Variants in HMGN5 observed in about 807,000 individuals in gnomAD.
HMGN5 encodes the protein high mobility group nucleosome-binding domain-containing protein 5.
HMGN5 carries 4 observed loss-of-function variants against 9.5 expected under a neutral mutation model. That is an observed-to-expected ratio of 0.42 (90% confidence interval 0.21 to 0.96). HMGN5 has a LOEUF of 0.96. Ranked by LOEUF, HMGN5 falls within the 40% of genes least tolerant of loss-of-function variation. The pLI is 0.30. For missense variants in HMGN5, 192 were observed against 187.5 expected, an observed-to-expected ratio of 1.02 and a Z score of -0.14; for synonymous variants, 55 against 57.1, an observed-to-expected ratio of 0.96 and a Z score of 0.16.
At chrX:81,140,535 T>G (rs1327470940) in intron 1 of HMGN5, among the ~76,000 whole-genome samples, 1 of 90,835 alleles carries the variant, frequency 1.1e-5, no homozygotes, top group Non-Finnish European at 2.1e-5. Context: ...ACTCCAGCCT[T>G]GGCGACAGAG....
At chrX:81,189,479 C>T (rs978769807) in intron 1 of HMGN5, among the ~76,000 whole-genome samples, 13 of 111,996 alleles carry the variant, frequency 1.2e-4, no homozygotes, top group Middle Eastern at 4.2e-3. Flanking sequence ...TGGAATCATA[C>T]GGTATGTAGC....
intron 2 of HMGN5, among the ~76,000 whole-genome samples, chrX:81,121,284 A>G (rs1381943069): frequency 5.4e-5 from 6 of 110,462 alleles, no homozygotes; most frequent in Non-Finnish European, 9.5e-5. Context: ...GTAATTCAGC[A>G]TGGAGACACC....
chrX:81,121,852 C>G (rs1241169012), intron 1 of HMGN5, among the ~76,000 whole-genome samples, 180 bp from the exon 2 acceptor site: 1 of 112,870 alleles, frequency 8.9e-6, no homozygotes, highest in Non-Finnish European at 1.9e-5. Flanking sequence ...CCCTCGTTCC[C>G]TGTCGGCTCT....
At chrX:81,188,447 T>A (rs2075484319) in intron 1 of HMGN5, among the ~76,000 whole-genome samples, 1 of 109,958 alleles carries the variant, frequency 9.1e-6, no homozygotes, top group South Asian at 3.9e-4. Flanking sequence ...TAATTATTGT[T>A]TTTGACTGGT....
At chrX:81,154,955 A>G (rs1291641778) in intron 1 of HMGN5, among the ~76,000 whole-genome samples, 1 of 107,619 alleles carries the variant, frequency 9.3e-6, no homozygotes, top group East Asian at 2.9e-4. Context: ...TGTAGGAAAC[A>G]GTTTGGAAGT....
intron 1 of HMGN5, among the ~76,000 whole-genome samples, chrX:81,174,238 C>A (rs184767667): frequency 3.6e-5 from 4 of 110,758 alleles, no homozygotes; most frequent in African/African-American, 1.3e-4. Flanking sequence ...TTTTTAAAAT[C>A]TCCTTTTCCT....
At chrX:81,149,519 T>C (rs774916236) in intron 1 of HMGN5, among the ~76,000 whole-genome samples, 5 of 111,594 alleles carry the variant, frequency 4.5e-5, no homozygotes, top group African/African-American at 1.6e-4. Context: ...ATATCTAATG[T>C]AGATGATGGT....
intron 1 of HMGN5, among the ~76,000 whole-genome samples, chrX:81,189,238 T>C (rs2075487121): frequency 1.8e-5 from 2 of 112,330 alleles, no homozygotes; most frequent in South Asian, 3.7e-4. Context: ...CTCTACCTAT[T>C]CTTGAAAGCC....
chrX:81,159,711 G>C (rs1332812734), intron 1 of HMGN5, among the ~76,000 whole-genome samples: 2 of 109,697 alleles, frequency 1.8e-5, no homozygotes, highest in African/African-American at 6.7e-5. Flanking sequence ...GATAGAGACA[G>C]TGTCTCACTA....
rs138165055 is a variant in HMGN5 at position 81,199,923 on chromosome X, C to G, written c.-124+1814G>C. On this transcript the variant is annotated intron_variant, in intron 1 of 6. Transcript: ENST00000358130. ...GCTTCTGCACAGCAAAAGAAACTAT[C>G]ATCAGAGTGAACAGGCAACCTACAG... is the stretch of plus-strand genomic sequence containing the variant. Among the ~76,000 whole-genome samples the G allele has an allele frequency of 1.0e-2, 1,116 of 111,979 alleles. 5 individuals carry two copies. Among genetic ancestry groups the G allele is most frequent in the South Asian group, 0.019 (51 of 2,702 alleles).
At chrX:81,181,952 G>A (rs1159399218) in intron 1 of HMGN5, among the ~76,000 whole-genome samples, 1 of 111,495 alleles carries the variant, frequency 9.0e-6, no homozygotes, top group East Asian at 2.8e-4. Context: ...TTTCTTTTTG[G>A]CTATATACCT....
chrX:81,180,813 A>G (rs1331908514), intron 1 of HMGN5, among the ~76,000 whole-genome samples: 1 of 112,051 alleles, frequency 8.9e-6, no homozygotes, highest in Non-Finnish European at 1.9e-5. Flanking sequence ...ATGTCCATCA[A>G]TGATAGACTG....
At chrX:81,116,509 A>C in intron 5 of HMGN5, among the ~76,000 whole-genome samples, 168 bp from the exon 6 acceptor site, 1 of 112,499 alleles carries the variant, frequency 8.9e-6, no homozygotes, top group East Asian at 2.8e-4. Context: ...TTCATTGTAA[A>C]TTTCATTGTA....
chrX:81,199,722 T>C (rs1291381177), intron 1 of HMGN5, among the ~76,000 whole-genome samples: 1 of 111,831 alleles, frequency 8.9e-6, no homozygotes, highest in East Asian at 2.8e-4. Context: ...TATACAAAAA[T>C]TGACTCAAGA....
At chrX:81,178,253 TA>T (rs988649842) in intron 1 of HMGN5, among the ~76,000 whole-genome samples, 1 of 110,776 alleles carries the variant, frequency 9.0e-6, no homozygotes, top group Non-Finnish European at 1.9e-5. Context: ...AAAAAACCCT[TA>T]AAAAATCAAT....
chrX:81,122,940 G>A (rs766232221), intron 1 of HMGN5, among the ~76,000 whole-genome samples: 43 of 111,479 alleles, frequency 3.9e-4, no homozygotes, highest in African/African-American at 1.3e-3. Flanking sequence ...TGTTGTAAGA[G>A]CTACCTGTGT....
At chrX:81,183,480 C>A (rs1253982106) in intron 1 of HMGN5, among the ~76,000 whole-genome samples, 1 of 112,591 alleles carries the variant, frequency 8.9e-6, no homozygotes, top group Non-Finnish European at 1.9e-5. Flanking sequence ...GGCCCAGATG[C>A]AGCTTGGGTC....
intron 1 of HMGN5, among the ~76,000 whole-genome samples, chrX:81,174,982 G>A (rs1239880838): frequency 9.0e-6 from 1 of 111,613 alleles, no homozygotes; most frequent in Non-Finnish European, 1.9e-5. Context: ...AGAATAAGTA[G>A]TGAGAAGATT....
chrX:81,150,898 A>G (rs1189656776), intron 1 of HMGN5, among the ~76,000 whole-genome samples: 4 of 111,948 alleles, frequency 3.6e-5, no homozygotes, highest in African/African-American at 9.8e-5. Context: ...CTAGACAAAT[A>G]CAACCTACAA....
Sources: gnomAD v4.1 joint callset for allele counts (sites outside exome capture counted in the v4.1 genomes callset) on GRCh38, gnomAD v4.1.1 for gene constraint, MANE v1.5 for transcripts, NCBI Gene and HGNC (gene_info 2026-07-23, HGNC 2026-07-21) for gene names.